The following ASTN1 variants were observed in gnomAD, a reference collection of about 807,000 sequenced individuals.
The protein encoded by ASTN1 is astrotactin-1.
A neutral mutation model predicts 140.7 loss-of-function variants in ASTN1; 41 were observed. That is an observed-to-expected ratio of 0.29 (90% CI 0.23 to 0.38). ASTN1 has a LOEUF of 0.38. ASTN1 is among the 10% of genes least tolerant of loss of function. The pLI is 1.00. For synonymous variants in ASTN1, 640 were observed against 652.2 expected, an observed-to-expected ratio of 0.98 and a Z score of 0.29; for missense variants, 1,479 against 1,678.8, an observed-to-expected ratio of 0.88 and a Z score of 2.08.
intron 7 of ASTN1, among the ~76,000 whole-genome samples, chr1:177,015,679 T>C (rs573645230): frequency 8.5e-5 from 13 of 152,322 alleles, no homozygotes; most frequent in African/African-American, 3.1e-4. Context: ...CATGCAAAAC[T>C]GTATATGTGT....
chr1:177,059,956 A>G (rs992565383), intron 2 of ASTN1, among the ~76,000 whole-genome samples: 2 of 152,252 alleles, frequency 1.3e-5, no homozygotes, highest in African/African-American at 4.8e-5. Flanking sequence ...CCCTAAGAGC[A>G]GACAATGTAT....
At chr1:177,040,407 T>C (rs1676920421) in intron 2 of ASTN1, among the ~76,000 whole-genome samples, 3 of 152,220 alleles carry the variant, frequency 2.0e-5, no homozygotes. Context: ...CAGTTACTAC[T>C]GCTGATTGCT....
At chr1:176,914,269 A>G (rs1462600391) in intron 16 of ASTN1, among the ~76,000 whole-genome samples, 3 of 152,214 alleles carry the variant, frequency 2.0e-5, no homozygotes, top group African/African-American at 7.2e-5. Context: ...GGTAGAGACT[A>G]TAAGTGTCAC....
intron 8 of ASTN1, among the ~76,000 whole-genome samples, chr1:176,978,299 G>A (rs895993080): frequency 3.3e-5 from 5 of 152,154 alleles, no homozygotes; most frequent in Non-Finnish European, 7.3e-5. Context: ...GCCACTGATG[G>A]GCTTTGAATA....
intron 16 of ASTN1, among the ~76,000 whole-genome samples, chr1:176,910,380 AG>A: frequency 6.6e-6 from 1 of 152,188 alleles, no homozygotes. Context: ...AGCAGTGAAA[AG>A]TCAGAAGACC....
At chr1:177,135,498 C>T (rs1437439543) in intron 1 of ASTN1, among the ~76,000 whole-genome samples, 1 of 152,136 alleles carries the variant, frequency 6.6e-6, no homozygotes, top group Non-Finnish European at 1.5e-5. Context: ...GCCCCAGCTA[C>T]AGCAGAATTC....
chr1:176,943,985 T>C lies in ASTN1; in HGVS notation c.2283A>G (p.Gln761=). Residue 761 remains glutamine, a synonymous_variant, in exon 14 of 23, where the codon CAA becomes CAG. Coordinates refer to ENST00000361833, the MANE Select transcript of ASTN1 (RefSeq NM_004319.3). The part of the protein sequence containing the change: ...QNNFARGLDQ[Q]LPDGLVVATV... Reference sequence around the variant, plus strand: ...TGGCCACCACAAGACCATCTGGCAGTTGCTGGTCTAAACCACGAGCAAAGT... The same window carrying C: ...TGGCCACCACAAGACCATCTGGCAGCTGCTGGTCTAAACCACGAGCAAAGT... 1 of 1,614,122 alleles carries C rather than the reference T, an allele frequency of 6.2e-7. No individual in the cohort carries two copies. Among genetic ancestry groups the C allele is most frequent in the Non-Finnish European group, 8.5e-7 (1 of 1,179,998 alleles).
At chr1:177,023,701 C>T (rs1306057418) in intron 6 of ASTN1, 130 bp from the exon 7 acceptor site, 7 of 1,058,422 alleles carry the variant, frequency 6.6e-6, no homozygotes, top group Admixed American at 3.8e-5. Flanking sequence ...CCATTCCTAG[C>T]CCATCATTAG....
At chr1:177,070,733 C>T (rs1030568067) in intron 1 of ASTN1, among the ~76,000 whole-genome samples, 15 of 152,096 alleles carry the variant, frequency 9.9e-5, no homozygotes, top group African/African-American at 3.4e-4. Flanking sequence ...AAGTTCACCC[C>T]GTGAGTAAAT....
intron 8 of ASTN1, among the ~76,000 whole-genome samples, chr1:176,973,065 T>G (rs978546905): frequency 6.6e-6 from 1 of 152,122 alleles, no homozygotes; most frequent in Non-Finnish European, 1.5e-5. Flanking sequence ...CAAGATCAAG[T>G]CACTCAGCTC....
At chr1:177,052,343 C>A (rs1677581150) in intron 2 of ASTN1, among the ~76,000 whole-genome samples, 1 of 152,154 alleles carries the variant, frequency 6.6e-6, no homozygotes, top group African/African-American at 2.4e-5. Context: ...TTAATGGGTA[C>A]TTCCCTATAG....
chr1:177,076,571 G>C (rs990175221), intron 1 of ASTN1, among the ~76,000 whole-genome samples: 1 of 151,344 alleles, frequency 6.6e-6, no homozygotes, highest in Non-Finnish European at 1.5e-5. Flanking sequence ...ACCCAGGCTG[G>C]AGTGCAGTGG....
rs1668005087 is a variant in ASTN1 at position 176,862,599 on chromosome 1, T to C, written c.*1685A>G. 2.0e-6 allele frequency: 2 copies of C among 983,288 alleles called. No individual in the cohort carries two copies. Among genetic ancestry groups the C allele is most frequent in the Non-Finnish European group, 2.4e-6 (2 of 828,014 alleles). The allele number at this position is 983,288 out of a possible 1,614,324, so 60.9% of individuals were successfully genotyped here. A position where few individuals can be genotyped will look rare whatever the true frequency, so the allele number is the denominator to read the frequency against. The stretch of plus-strand genomic sequence containing the variant: ...CCAGAGTAGCTAAGATCCTGTGCCC[T>C]GGAGACCAACAGCCTGAAATCACAC... On this transcript the variant is annotated 3_prime_UTR_variant, in exon 23 of 23. Coordinates refer to ENST00000361833, the MANE Select transcript of ASTN1 (RefSeq NM_004319.3).
rs2101973115 is a variant in ASTN1 at position 177,030,857 on chromosome 1, G to A, written c.961C>T (p.Leu321Phe). ...VDSNHQQATL[L>F]SHTSSSQRKR... ...CTCTGGCTGCTGGAGGTGTGAGAGA[G>A]AAGGGTGGCTTGCTGGTGGTTGGAG... The change falls in exon 4 of 23, where the codon CTC becomes TTC. Residue 321 changes from leucine to phenylalanine, a missense_variant. Transcript: ENST00000361833. 2 of 1,614,198 alleles carry A rather than the reference G, an allele frequency of 1.2e-6. No homozygotes were observed. Among genetic ancestry groups the A allele is most frequent in the Non-Finnish European group, 1.7e-6 (2 of 1,180,030 alleles).
In ASTN1 at chr1:177,111,903, G is replaced by A. The variant is rs550671610; in HGVS notation, c.284-50638C>T. ...TCCACCCAACAGGCCCACATCCACA[G>A]GGGTCGGCAACACTGGGCCTGGGGA... On this transcript the variant is annotated intron_variant, in intron 1 of 22. Coordinates refer to ENST00000361833, the MANE Select transcript of ASTN1 (RefSeq NM_004319.3). Among the ~76,000 whole-genome samples the A allele has an allele frequency of 3.3e-5, 5 of 152,294 alleles. No individual in the cohort carries two copies. In the East Asian group the frequency reaches 7.8e-4, roughly 24 times the overall value.
chr1:176,874,131 A>G (rs1668467443), intron 21 of ASTN1, among the ~76,000 whole-genome samples: 1 of 152,160 alleles, frequency 6.6e-6, no homozygotes, highest in African/African-American at 2.4e-5. Context: ...GCTCCAACAC[A>G]GGAATAGCAG....
intron 1 of ASTN1, among the ~76,000 whole-genome samples, chr1:177,111,880 C>T (rs902691877): frequency 6.6e-6 from 1 of 152,154 alleles, no homozygotes; most frequent in African/African-American, 2.4e-5. Context: ...ACCGTGAATC[C>T]ACCCAACAGG....
intron 8 of ASTN1, among the ~76,000 whole-genome samples, chr1:176,991,226 C>T (rs1164177641): frequency 2.0e-5 from 3 of 151,856 alleles, no homozygotes; most frequent in Admixed American, 6.6e-5. Flanking sequence ...CCAGCCTGGC[C>T]AACATGGAGA....
chr1:176,938,174 A>G (rs1052639434), intron 14 of ASTN1, among the ~76,000 whole-genome samples: 20 of 152,330 alleles, frequency 1.3e-4, no homozygotes, highest in African/African-American at 4.3e-4. Context: ...ACTATTACAT[A>G]CTTTGGCTTT....
Sources: gnomAD v4.1 joint callset for allele counts (sites outside exome capture counted in the v4.1 genomes callset) on GRCh38, gnomAD v4.1.1 for gene constraint, MANE v1.5 for transcripts, NCBI Gene and HGNC (gene_info 2026-07-23, HGNC 2026-07-21) for gene names.